The following STXBP5 variants were observed in gnomAD, a reference collection of about 807,000 sequenced individuals.
STXBP5 encodes the protein syntaxin binding protein 5.
A neutral mutation model predicts 152.4 loss-of-function variants in STXBP5; 50 were observed. That is an observed-to-expected ratio of 0.33 (90% confidence interval 0.26 to 0.42). The LOEUF (loss-of-function observed/expected upper bound fraction) is 0.42. STXBP5 is among the 10% of genes least tolerant of loss of function. The probability of loss-of-function intolerance (pLI) is 1.00; values close to 1 mark genes in which losing one functional copy is unlikely to be tolerated. For synonymous variants in STXBP5, 492 were observed against 494.7 expected (o/e 0.99, Z 0.07); for missense variants, 1,167 against 1,388.6 (o/e 0.84, Z 2.54).
chr6:147,342,518 T>C (rs985611470), intron 21 of STXBP5, among the ~76,000 whole-genome samples: 27 of 152,306 alleles, frequency 1.8e-4, no homozygotes, highest in African/African-American at 5.8e-4. Flanking sequence ...GCTTCATGCA[T>C]GTAGTATGTA....
chr6:147,337,065 C>T (rs890178165), intron 19 of STXBP5, among the ~76,000 whole-genome samples: 5 of 151,810 alleles, frequency 3.3e-5, no homozygotes, highest in Non-Finnish European at 7.4e-5. Context: ...GCATCCTGAA[C>T]GAATGAAGGG....
At chr6:147,208,931 A>G (rs1776709671) in intron 2 of STXBP5, among the ~76,000 whole-genome samples, 1 of 152,142 alleles carries the variant, frequency 6.6e-6, no homozygotes, top group African/African-American at 2.4e-5. Flanking sequence ...ACATTAATGT[A>G]TAGCAAATGA....
At chr6:147,314,476 A>G (rs1782541401) in intron 13 of STXBP5, 120 bp from the exon 14 acceptor site, 1 of 1,317,738 alleles carries the variant, frequency 7.6e-7, no homozygotes, top group Non-Finnish European at 1.1e-6. Flanking sequence ...AGAACCTGCC[A>G]GTTTACCCTG....
intron 23 of STXBP5, among the ~76,000 whole-genome samples, chr6:147,361,920 G>A (rs566432341): frequency 2.0e-5 from 3 of 152,166 alleles, no homozygotes; most frequent in South Asian, 2.1e-4. Context: ...CTTGTGTTTC[G>A]AAGTTTTCTA....
chr6:147,344,824 C>T (rs1203586477), intron 21 of STXBP5, among the ~76,000 whole-genome samples: 1 of 152,032 alleles, frequency 6.6e-6, no homozygotes, highest in Non-Finnish European at 1.5e-5. Flanking sequence ...TATGTAATAC[C>T]TTGTATTCGG....
intron 23 of STXBP5, 62 bp downstream of exon 23, chr6:147,359,385 T>C (rs1212438335): frequency 4.5e-6 from 7 of 1,540,932 alleles, no homozygotes; most frequent in Admixed American, 2.0e-5. Flanking sequence ...ATAGAAGCCT[T>C]TGTTTTTCAT....
At chr6:147,292,305 A>G (rs1218931700) in intron 9 of STXBP5, 2 of 447,170 alleles carry the variant, frequency 4.5e-6, no homozygotes, top group Non-Finnish European at 9.0e-6. Context: ...CCAACAATAG[A>G]TTAAATGAAC....
intron 21 of STXBP5, 111 bp downstream of exon 21, chr6:147,339,495 G>C (rs1220933236): frequency 1.3e-6 from 1 of 796,582 alleles, no homozygotes; most frequent in Non-Finnish European, 1.8e-6. Context: ...TTGTTCCTAT[G>C]CTAAAAAAAT....
At chr6:147,308,886 C>G (rs1782229590) in intron 9 of STXBP5, among the ~76,000 whole-genome samples, 1 of 152,012 alleles carries the variant, frequency 6.6e-6, no homozygotes, top group Non-Finnish European at 1.5e-5. Flanking sequence ...ATGATAATGA[C>G]AATTTGATGA....
chr6:147,251,420 C>G (rs974480427), intron 4 of STXBP5, among the ~76,000 whole-genome samples: 2 of 152,116 alleles, frequency 1.3e-5, no homozygotes, highest in African/African-American at 4.8e-5. Flanking sequence ...GCAGTGGCAC[C>G]TGGAATGCCA....
chr6:147,341,894 A>G (rs1254434178), intron 21 of STXBP5, among the ~76,000 whole-genome samples: 1 of 152,102 alleles, frequency 6.6e-6, no homozygotes, highest in Non-Finnish European at 1.5e-5. Flanking sequence ...ATTTTTCTCA[A>G]TCCACACAAT....
intron 9 of STXBP5, among the ~76,000 whole-genome samples, chr6:147,309,494 A>G (rs1445479472): frequency 6.6e-6 from 1 of 152,168 alleles, no homozygotes; most frequent in African/African-American, 2.4e-5. Flanking sequence ...AATTAGTTAT[A>G]ACAGAGTTAT....
intron 25 of STXBP5, among the ~76,000 whole-genome samples, chr6:147,368,968 T>A (rs1053047129): frequency 6.6e-6 from 1 of 151,836 alleles, no homozygotes; most frequent in African/African-American, 2.4e-5. Flanking sequence ...TTTTAGAAAA[T>A]TTTGTAGGAA....
chr6:147,304,436 C>G (rs778868585), intron 9 of STXBP5, among the ~76,000 whole-genome samples: 3 of 152,122 alleles, frequency 2.0e-5, no homozygotes, highest in Non-Finnish European at 4.4e-5. Flanking sequence ...CCTGGATGTC[C>G]AGGCAGAAGT....
intron 16 of STXBP5, among the ~76,000 whole-genome samples, chr6:147,318,741 A>G (rs904068040): frequency 6.6e-6 from 1 of 152,198 alleles, no homozygotes; most frequent in African/African-American, 2.4e-5. Context: ...ATTAATTGTT[A>G]TCTTTTGTGT....
intron 2 of STXBP5, among the ~76,000 whole-genome samples, chr6:147,212,804 C>G (rs1219171006): frequency 2.6e-5 from 4 of 152,136 alleles, no homozygotes; most frequent in Non-Finnish European, 5.9e-5. Flanking sequence ...TGAACTAACA[C>G]AAATGTCTTT....
At chr6:147,254,172 G>C (rs1779242664) in intron 4 of STXBP5, among the ~76,000 whole-genome samples, 1 of 152,036 alleles carries the variant, frequency 6.6e-6, no homozygotes, top group Non-Finnish European at 1.5e-5. Flanking sequence ...TGACAAACCT[G>C]ACAAAAACAA....
chr6:147,258,957 AT>A (rs1779514423), intron 4 of STXBP5, among the ~76,000 whole-genome samples: 1 of 152,110 alleles, frequency 6.6e-6, no homozygotes, highest in East Asian at 1.9e-4. Context: ...AGCCATGACA[AT>A]TTGCCAGTTA....
intron 9 of STXBP5, among the ~76,000 whole-genome samples, chr6:147,306,593 T>C (rs1445568959): frequency 2.0e-5 from 3 of 152,204 alleles, no homozygotes; most frequent in Non-Finnish European, 4.4e-5. Flanking sequence ...TCTGCATGAT[T>C]TGGAGTCCTT....
Sources: allele counts gnomAD v4.1 joint callset (sites outside exome capture counted in the v4.1 genomes callset), GRCh38; gene constraint gnomAD v4.1.1; transcripts MANE v1.5; gene names NCBI Gene and HGNC (gene_info 2026-07-23, HGNC 2026-07-21).